Variants in DHRSX observed in about 807,000 individuals in gnomAD.
DHRSX encodes the protein polyprenol dehydrogenase.
Under a neutral mutation model 34.0 loss-of-function variants are expected in DHRSX, and 31 were observed. The observed-to-expected ratio is 0.91, with a 90% CI of 0.69 to 1.23. The LOEUF (loss-of-function observed/expected upper bound fraction) is 1.23, where lower values mean the gene tolerates loss of function less well. Ranked by LOEUF, DHRSX falls within the 50% of genes most tolerant of loss-of-function variation. The pLI, the probability that DHRSX is intolerant of heterozygous loss-of-function variation, is 0.00. For missense variants in DHRSX, 414 were observed against 428.1 expected (o/e 0.97, Z 0.29); for synonymous variants, 201 against 183.8 (o/e 1.09, Z -0.76).
At chrX:2,464,395 G>A (rs1043033180) in intron 1 of DHRSX, among the ~76,000 whole-genome samples, 7 of 136,160 alleles carry the variant, frequency 5.1e-5, no homozygotes, top group African/African-American at 2.0e-4. Flanking sequence ...GTGTGGCTAA[G>A]GGACTGCTAC....
In DHRSX at chrX:2,398,491, G is replaced by A. The variant is rs1197678338; in HGVS notation, c.286+10254C>T. Among the ~76,000 whole-genome samples the A allele has an allele frequency of 1.1e-4, 17 of 152,132 alleles. 1 individual carries two copies. The Middle Eastern group carries it at 0.01, about 91-fold the overall frequency. On this transcript the variant is annotated intron_variant, in intron 3 of 6. Transcript: ENST00000334651. ...GGAGACCAAAACCCAAAGAGGCTGT[G>A]AACCACAACACACCGTCATTTCTGG...
intron 3 of DHRSX, among the ~76,000 whole-genome samples, chrX:2,333,540 G>A (rs1345128524): frequency 1.3e-5 from 2 of 152,030 alleles, no homozygotes; most frequent in Non-Finnish European, 2.9e-5. Flanking sequence ...TCAGCCTCCC[G>A]AGTAGCTGGG....
At chrX:2,355,336 A>G (rs2042835807) in intron 3 of DHRSX, among the ~76,000 whole-genome samples, 1 of 152,038 alleles carries the variant, frequency 6.6e-6, no homozygotes. Flanking sequence ...ACATAGTGAG[A>G]GCCTGTTTCT....
At chrX:2,239,109 A>T (rs2016082246) in intron 6 of DHRSX, among the ~76,000 whole-genome samples, 1 of 152,186 alleles carries the variant, frequency 6.6e-6, no homozygotes, top group Non-Finnish European at 1.5e-5. Context: ...TGTCTCTTAT[A>T]TAAAGGCAGT....
intron 6 of DHRSX, among the ~76,000 whole-genome samples, chrX:2,241,648 C>T (rs1328784675): frequency 6.6e-6 from 1 of 152,090 alleles, no homozygotes; most frequent in Non-Finnish European, 1.5e-5. Flanking sequence ...GTGGCTCACA[C>T]CTATCATCCC....
At position 2,338,203 on chromosome X, in the gene DHRSX, C is replaced by T. The variant is rs1188534604; in HGVS notation, c.287-46600G>A. On this transcript the variant is annotated intron_variant, in intron 3 of 6. Transcript: ENST00000334651. ...CAAAAATTAGCCAGGCATGGTGGTG[C>T]GCGCCTGTAATCCCAGCTACTTGGG... is the stretch of plus-strand genomic sequence containing the variant. 3.3e-5 allele frequency among the ~76,000 whole-genome samples: 5 copies of T among 151,496 alleles called. 1 individual carries two copies. Among genetic ancestry groups the T allele is most frequent in the Admixed American group, 2.7e-4 (4 of 15,084 alleles).
chrX:2,387,290 G>T (rs1385540028), intron 3 of DHRSX, among the ~76,000 whole-genome samples: 4 of 152,138 alleles, frequency 2.6e-5, no homozygotes, highest in Non-Finnish European at 4.4e-5. Flanking sequence ...ATAGATGTAG[G>T]GGGTAAGGAA....
intron 3 of DHRSX, among the ~76,000 whole-genome samples, chrX:2,401,505 A>ACAGCAC (rs1254400312): frequency 6.6e-6 from 1 of 152,194 alleles, no homozygotes; most frequent in African/African-American, 2.4e-5. Flanking sequence ...AAGAGGATAC[A>ACAGCAC]CAGCACGTGT....
Position 2,442,552 on chromosome X carries a change from G to A in DHRSX, c.110-17248C>T, listed in dbSNP as rs142264725. Among the ~76,000 whole-genome samples the A allele has an allele frequency of 4.9e-4, 75 of 151,878 alleles. No individual in the cohort carries two copies. The East Asian group carries it at 0.013, about 27-fold the overall frequency. On this transcript the variant is annotated intron_variant, in intron 1 of 6. Transcript: ENST00000334651. ...GCAACACACTGGCCATCAGCGTCAC[G>A]CCTAGTTATCATGCTGGCCGGTAAA...
chrX:2,253,439 G>A (rs1207064723), intron 5 of DHRSX, among the ~76,000 whole-genome samples: 7 of 150,786 alleles, frequency 4.6e-5, no homozygotes, highest in South Asian at 4.2e-4. Context: ...CCAAGATGTC[G>A]CGGCCGCACT....
chrX:2,465,544 T>C (rs1402925106), intron 1 of DHRSX, among the ~76,000 whole-genome samples: 1 of 152,006 alleles, frequency 6.6e-6, no homozygotes, highest in Non-Finnish European at 1.5e-5. Context: ...GGCTGACACC[T>C]GTCATCCGAG....
chrX:2,238,159 G>A (rs898759661), intron 6 of DHRSX, among the ~76,000 whole-genome samples: 11 of 152,062 alleles, frequency 7.2e-5, no homozygotes, highest in Admixed American at 2.6e-4. Flanking sequence ...CTGGAGACCC[G>A]GCTGGACAAC....
intron 1 of DHRSX, among the ~76,000 whole-genome samples, chrX:2,430,769 TTGGGAAGCCAA>T (rs1483094286): frequency 2.0e-5 from 3 of 151,868 alleles, no homozygotes; most frequent in Non-Finnish European, 4.4e-5. Flanking sequence ...TCCCAGCACT[TTGGGAAGCCAA>T]GGCAGGCAGA....
chrX:2,363,785 T>C (rs1209398796), intron 3 of DHRSX, among the ~76,000 whole-genome samples: 1 of 152,176 alleles, frequency 6.6e-6, no homozygotes, highest in Non-Finnish European at 1.5e-5. Flanking sequence ...TTTATCACCG[T>C]TCTATGGTAT....
At chrX:2,248,300 G>T (rs1569479458) in intron 5 of DHRSX, among the ~76,000 whole-genome samples, 1 of 152,056 alleles carries the variant, frequency 6.6e-6, no homozygotes, top group Non-Finnish European at 1.5e-5. Flanking sequence ...GGGTGTGGTG[G>T]TGGGCGCCCG....
intron 3 of DHRSX, among the ~76,000 whole-genome samples, chrX:2,330,106 GAGA>G (rs2042442924): frequency 1.9e-4 from 5 of 25,674 alleles, no homozygotes; most frequent in Non-Finnish European, 6.1e-4. Flanking sequence ...GGGAGGGAGA[GAGA>G]GAGAGAGAGA....
chrX:2,288,434 A>G (rs62595529), intron 4 of DHRSX, among the ~76,000 whole-genome samples: 119,471 of 152,066 alleles, frequency 0.79, 48,736 homozygotes, highest in African/African-American at 0.96. Context: ...AGGGTTTCAC[A>G]ATGTTGTCCA....
chrX:2,418,847 C>T (rs918041672), intron 2 of DHRSX, among the ~76,000 whole-genome samples: 1 of 152,160 alleles, frequency 6.6e-6, no homozygotes, highest in African/African-American at 2.4e-5. Context: ...CAGCAGATAT[C>T]CACCTAGCAT....
At chrX:2,497,240 A>G (rs1219530580) in intron 1 of DHRSX, among the ~76,000 whole-genome samples, 1 of 152,180 alleles carries the variant, frequency 6.6e-6, no homozygotes, top group East Asian at 1.9e-4. Flanking sequence ...CTAAAAATAC[A>G]AAATGAGCCA....
Sources: gnomAD v4.1 joint callset for allele counts (sites outside exome capture counted in the v4.1 genomes callset) on GRCh38, gnomAD v4.1.1 for gene constraint, MANE v1.5 for transcripts, NCBI Gene and HGNC (gene_info 2026-07-23, HGNC 2026-07-21) for gene names.